Variants in CEP192 observed in about 807,000 individuals in gnomAD.
CEP192 encodes the protein centrosomal protein 192.
CEP192 carries 151 observed loss-of-function variants against 271.8 expected under a neutral mutation model. The ratio of observed to expected loss-of-function variants is 0.56; its 90% CI spans 0.49 to 0.64. The LOEUF is 0.64. CEP192 is among the 30% of genes least tolerant of loss of function. The pLI, the probability that CEP192 is intolerant of heterozygous loss-of-function variation, is 0.00. For missense variants in CEP192, 2,910 were observed against 3,020.5 expected (o/e 0.96, Z 0.86); for synonymous variants, 995 against 1,076.5 (o/e 0.92, Z 1.48).
chr18:13,002,622 G>A (rs1354925119), intron 3 of CEP192, among the ~76,000 whole-genome samples: 1 of 152,042 alleles, frequency 6.6e-6, no homozygotes, highest in Non-Finnish European at 1.5e-5. Context: ...TCTGAATGCC[G>A]ACTTCTCCCA....
At position 13,029,984 on chromosome 18, in the gene CEP192, A is replaced by G. The variant is rs2035523588; in HGVS notation, c.1372A>G (p.Ile458Val). 6.5e-7 allele frequency: 1 copy of G among 1,549,274 alleles called. No individual in the cohort carries two copies. Among genetic ancestry groups the G allele is most frequent in the Non-Finnish European group, 8.7e-7 (1 of 1,145,164 alleles). Residue 458 changes from isoleucine (I) to valine (V), a missense_variant, in exon 10 of 45, where the codon ATC (isoleucine) becomes GTC (valine). Ile to Val is a conservative substitution (Grantham distance 29). Transcript: ENST00000506447. ...ERRTCECHESIEKNKDKTDLP... is the reference protein window; with the variant it reads ...ERRTCECHESVEKNKDKTDLP... ...GCGAACATGTGAATGTCACGAGTCCATCGAAAAGAATAAAGACAGTAAGTG... is the reference window on the plus strand; with the variant it reads ...GCGAACATGTGAATGTCACGAGTCCGTCGAAAAGAATAAAGACAGTAAGTG...
chr18:13,072,930 T>C, intron 29 of CEP192, 79 bp from the exon 30 acceptor site: 5 of 1,546,538 alleles, frequency 3.2e-6, no homozygotes, highest in Non-Finnish European at 4.4e-6. Context: ...GTTATTTAGC[T>C]TTTAAGAATC....
At chr18:13,025,974 G>C (rs1382565932) in intron 9 of CEP192, among the ~76,000 whole-genome samples, 1 of 152,086 alleles carries the variant, frequency 6.6e-6, no homozygotes, top group African/African-American at 2.4e-5. Flanking sequence ...TTTCTTTGTA[G>C]ATTTAAGATT....
chr18:13,053,105 G>T lies in CEP192; in HGVS notation c.3189+15G>T. On this transcript the variant is annotated intron_variant, in intron 18 of 44. Coordinates refer to ENST00000506447, the MANE Select transcript of CEP192 (RefSeq NM_032142.4). ...AGGACCGCAAGGTGGGCAGCCACTT[G>T]GATTATTTATTACTAAGGCTTTCAA... 1 of 1,589,706 alleles carries T rather than the reference G, an allele frequency of 6.3e-7. No individual in the cohort carries two copies. Among genetic ancestry groups the T allele is most frequent in the South Asian group, 1.1e-5 (1 of 88,748 alleles).
At chr18:13,004,897 T>C (rs914833292) in intron 3 of CEP192, among the ~76,000 whole-genome samples, 1 of 152,014 alleles carries the variant, frequency 6.6e-6, no homozygotes, top group Non-Finnish European at 1.5e-5. Context: ...TTGCTGAGGA[T>C]GTAAGATTGG....
Position 13,095,496 on chromosome 18 carries a change from T to G in CEP192, c.6255-7T>G, listed in dbSNP as rs750834998. On this transcript the variant is annotated splice_region_variant and splice_polypyrimidine_tract_variant and intron_variant, in intron 34 of 44. Coordinates refer to ENST00000506447, the MANE Select transcript of CEP192 (RefSeq NM_032142.4). The stretch of plus-strand genomic sequence containing the variant: ...TCTAACTTTTTCATTTTTAAATAAT[T>G]TTTTAGCGACTTGGGAGCTTCTGGG... 1.3e-6 allele frequency: 2 copies of G among 1,587,454 alleles called. No individual in the cohort carries two copies. Among genetic ancestry groups the G allele is most frequent in the East Asian group, 2.2e-5 (1 of 44,650 alleles).
chr18:13,056,434 G>A lies in CEP192; in HGVS notation c.3844G>A (p.Ala1282Thr), dbSNP rs763052158. The change falls in exon 19 of 45, where the codon GCT (alanine) becomes ACT (threonine). Residue 1282 changes from alanine (A) to threonine (T), a missense_variant. Coordinates refer to ENST00000506447, the MANE Select transcript of CEP192 (RefSeq NM_032142.4). ...AAGCACCACCTTGCCTCAGTGCCATGCTGGCAATGCCACAGTCTGTGGCTT... is the reference window on the plus strand; with the variant it reads ...AAGCACCACCTTGCCTCAGTGCCATACTGGCAATGCCACAGTCTGTGGCTT... Reference protein sequence around the residue: ...TGSTTLPQCHAGNATVCGFSG... With the variant: ...TGSTTLPQCHTGNATVCGFSG... 8.7e-6 allele frequency: 14 copies of A among 1,614,240 alleles called. 1 individual carries two copies. In the Admixed American group the frequency reaches 2.0e-4, roughly 23 times the overall value.
At position 13,049,281 on chromosome 18, in the gene CEP192, T is replaced by C; in HGVS notation, c.2490T>C (p.Thr830=). Residue 830 remains threonine (T), a synonymous_variant, in exon 16 of 45, where the codon ACT becomes ACC. Transcript: ENST00000506447. ...TTCATCCGGTGGACTTAAGTGCTAC[T>C]AGTGTAAGTGTGAGGGCACCAGAAG... The part of the protein sequence containing the change: ...QDIHPVDLSA[T]SVSVRAPEEN... The C allele has an allele frequency of 6.2e-7, 1 of 1,614,128 alleles. No homozygotes were observed. Among genetic ancestry groups the C allele is most frequent in the Non-Finnish European group, 8.5e-7 (1 of 1,180,024 alleles).
At chr18:13,090,724 A>G (rs1338322701) in intron 33 of CEP192, among the ~76,000 whole-genome samples, 2 of 152,160 alleles carry the variant, frequency 1.3e-5, no homozygotes, top group Non-Finnish European at 2.9e-5. Flanking sequence ...AAAACCTTGG[A>G]CTTGGAGTTG....
At chr18:13,062,256 T>C (rs1014435497) in intron 21 of CEP192, among the ~76,000 whole-genome samples, 13 of 152,226 alleles carry the variant, frequency 8.5e-5, no homozygotes, top group Non-Finnish European at 1.8e-4. Flanking sequence ...CTAGAGGAAT[T>C]AGGCCCTGAT....
intron 1 of CEP192, among the ~76,000 whole-genome samples, chr18:12,998,760 T>TA (rs1200048668): frequency 1.3e-5 from 2 of 152,218 alleles, no homozygotes; most frequent in East Asian, 3.8e-4. Flanking sequence ...GTGTATATGA[T>TA]ACGTACTCTG....
intron 30 of CEP192, among the ~76,000 whole-genome samples, chr18:13,076,199 G>T (rs186539020): frequency 2.6e-5 from 4 of 152,178 alleles, no homozygotes; most frequent in African/African-American, 9.6e-5. Flanking sequence ...TGGATTTACG[G>T]TGTTAGATTT....
Position 13,056,584 on chromosome 18 carries a change from T to C in CEP192, c.3994T>C (p.Tyr1332His), listed in dbSNP as rs1209802887. 6.2e-7 allele frequency: 1 copy of C among 1,614,198 alleles called. No homozygotes were observed. ...GGGTACCTCTTCCCTCTGTAACCCA[T>C]ATTCTAATACCTTAAATCAGAACCT... ...WMGTSSLCNP[Y>H]SNTLNQNLLS... The change falls in exon 19 of 45, where the codon TAT becomes CAT. Residue 1332 changes from tyrosine (Y) to histidine (H), a missense_variant. Coordinates refer to ENST00000506447, the MANE Select transcript of CEP192 (RefSeq NM_032142.4).
chr18:12,991,599 G>T (rs2032850494), intron 1 of CEP192, among the ~76,000 whole-genome samples, 162 bp downstream of exon 1: 1 of 152,284 alleles, frequency 6.6e-6, no homozygotes, highest in African/African-American at 2.4e-5. Context: ...GGGGACTGCC[G>T]CGCTTCCCGC....
chr18:13,096,044 G>T, intron 35 of CEP192, 140 bp from the exon 36 acceptor site: 1 of 868,178 alleles, frequency 1.2e-6, no homozygotes, highest in East Asian at 2.6e-5. Context: ...ACCAAGGATT[G>T]GAAATTTCTG....
At position 13,030,010 on chromosome 18, in the gene CEP192, G is replaced by T. The variant is rs2035525520; in HGVS notation, c.1390+8G>T. 1 of 1,520,604 alleles carries T rather than the reference G, an allele frequency of 6.6e-7. No individual in the cohort carries two copies. Among genetic ancestry groups the T allele is most frequent in the African/African-American group, 1.4e-5 (1 of 71,856 alleles). The allele number at this position is 1,520,604 out of a possible 1,614,324, so 94.2% of individuals were successfully genotyped here. A position where few individuals can be genotyped will look rare whatever the true frequency, so the allele number is the denominator to read the frequency against. On this transcript the variant is annotated splice_region_variant and intron_variant, in intron 10 of 44. Coordinates refer to ENST00000506447, the MANE Select transcript of CEP192 (RefSeq NM_032142.4). ...TCGAAAAGAATAAAGACAGTAAGTG[G>T]ACTTTTTAAAAAATAGAGTGAAAGA... is the stretch of plus-strand genomic sequence containing the variant.
rs1331061120 is a variant in CEP192, at chr18:13,055,929, T to A, written c.3339T>A (p.Asp1113Glu). Residue 1113 changes from aspartate to glutamate, a missense_variant, in exon 19 of 45, where the codon GAT becomes GAA. Transcript: ENST00000506447. ...CATCTATTATCCAGAATAACTCTGA[T>A]ACAAGAAAAGCAACTGAAACTACTT... Reference protein sequence around the residue: ...TLSSIIQNNSDTRKATETTSL... With the variant: ...TLSSIIQNNSETRKATETTSL... 1.2e-6 allele frequency: 2 copies of A among 1,614,068 alleles called. No homozygotes were observed. Among genetic ancestry groups the A allele is most frequent in the African/African-American group, 1.3e-5 (1 of 74,932 alleles).
rs576939173 is a variant in CEP192, at chr18:13,100,228, A to G, written c.6664-77A>G. 108 of 973,236 alleles carry G rather than the reference A, an allele frequency of 1.1e-4. No individual in the cohort carries two copies. In the East Asian group the frequency reaches 2.5e-3, roughly 23 times the overall value. The allele number at this position is 973,236 out of a possible 1,614,324, so 60.3% of individuals were successfully genotyped here. A position where few individuals can be genotyped will look rare whatever the true frequency, so the allele number is the denominator to read the frequency against. On this transcript the variant is annotated intron_variant, in intron 37 of 44. Transcript: ENST00000506447. Reference sequence around the variant, plus strand: ...TTGTTTGGCATTTCTTTTCTCTACCATGGTTTAAAAATGGAATTGTTTCGT... The same window carrying G: ...TTGTTTGGCATTTCTTTTCTCTACCGTGGTTTAAAAATGGAATTGTTTCGT...
At chr18:13,122,792 C>T (rs953232771) in intron 44 of CEP192, among the ~76,000 whole-genome samples, 19 of 151,898 alleles carry the variant, frequency 1.3e-4, no homozygotes, top group African/African-American at 4.4e-4. Context: ...TGAACTAGAC[C>T]TCCCCACTGG....
Sources: allele counts gnomAD v4.1 joint callset (sites outside exome capture counted in the v4.1 genomes callset), GRCh38; gene constraint gnomAD v4.1.1; transcripts MANE v1.5; gene names NCBI Gene and HGNC (gene_info 2026-07-23, HGNC 2026-07-21).